The following PLAT variants were observed in gnomAD, a reference collection of about 807,000 sequenced individuals.
PLAT encodes the protein tissue-type plasminogen activator.
Under a neutral mutation model 74.9 loss-of-function variants are expected in PLAT, and 48 were observed. The ratio of observed to expected loss-of-function variants is 0.64; its 90% CI spans 0.51 to 0.82. The LOEUF (loss-of-function observed/expected upper bound fraction) is 0.82, where lower values mean the gene tolerates loss of function less well. Among genes scored for constraint, PLAT ranks in the 40% least tolerant of loss-of-function variants. The pLI, the probability that PLAT is intolerant of heterozygous loss-of-function variation, is 0.00. For missense variants in PLAT, 673 were observed against 736.2 expected (o/e 0.91, Z 0.99); for synonymous variants, 307 against 294.4 (o/e 1.04, Z -0.44).
chr8:42,204,352 C>G (rs560898636), intron 1 of PLAT, among the ~76,000 whole-genome samples: 26 of 152,216 alleles, frequency 1.7e-4, no homozygotes, highest in African/African-American at 6.3e-4. Flanking sequence ...CCTTATTGTC[C>G]GTCCCAACAA....
chr8:42,196,343 C>T (rs1763866238), intron 1 of PLAT, among the ~76,000 whole-genome samples: 1 of 152,324 alleles, frequency 6.6e-6, no homozygotes, highest in South Asian at 2.1e-4. Flanking sequence ...CTGGACCTTC[C>T]TGCGCCTTGA....
At chr8:42,200,718 A>AC (rs1806097820) in intron 1 of PLAT, among the ~76,000 whole-genome samples, 1 of 150,392 alleles carries the variant, frequency 6.6e-6, no homozygotes, top group African/African-American at 2.5e-5. Flanking sequence ...CTGTACGGTG[A>AC]CACATCTTGT....
At chr8:42,197,475 G>T (rs899754619) in intron 1 of PLAT, among the ~76,000 whole-genome samples, 2 of 152,234 alleles carry the variant, frequency 1.3e-5, no homozygotes, top group African/African-American at 4.8e-5. Context: ...ACTTTCCTGG[G>T]AGATGTACTG....
intron 3 of PLAT, among the ~76,000 whole-genome samples, chr8:42,189,807 C>A (rs1325048485): frequency 6.6e-6 from 1 of 151,848 alleles, no homozygotes; most frequent in Non-Finnish European, 1.5e-5. Context: ...CCATATTGGA[C>A]AGGCTGGTCT....
intron 7 of PLAT, 111 bp from the exon 8 acceptor site, chr8:42,183,001 C>T (rs1360451236): frequency 2.8e-5 from 22 of 785,680 alleles, no homozygotes; most frequent in South Asian, 4.9e-5. Flanking sequence ...GCCGCTAGCC[C>T]GGCACTGAGA....
rs376948341 is a variant in PLAT, at chr8:42,206,108, C to T, written c.-27+1386G>A. ...AGCCGCAGACACTGGGAGAATCCGA[C>T]GCGAGTCATTGTGAAATAAACCAAG... On this transcript the variant is annotated intron_variant, in intron 1 of 13. Coordinates refer to ENST00000220809, the MANE Select transcript of PLAT (RefSeq NM_000930.5). 2.6e-5 allele frequency among the ~76,000 whole-genome samples: 4 copies of T among 152,148 alleles called. No homozygotes were observed. The South Asian group carries it at 6.2e-4, about 24-fold the overall frequency.
rs373313453 is a variant in PLAT, at chr8:42,203,969, TTATA to T, written c.-27+3521_-27+3524del. Among the ~76,000 whole-genome samples the T allele has an allele frequency of 3.4e-4, 36 of 105,090 alleles. 1 individual carries two copies. Among genetic ancestry groups the T allele is most frequent in the African/African-American group, 9.3e-4 (17 of 18,372 alleles). 68.9% of individuals were successfully genotyped at this position (105,090 alleles called of 152,430 possible). A position where few individuals can be genotyped will look rare whatever the true frequency, so the allele number is the denominator to read the frequency against. On this transcript the variant is annotated intron_variant, in intron 1 of 13. Transcript: ENST00000220809. ...GATGGAGTCAGACCTTGTCTCTAAA[TTATA>T]TATATATATATATATATATACACAC...
At chr8:42,199,220 C>T (rs1806035358) in intron 1 of PLAT, among the ~76,000 whole-genome samples, 1 of 152,224 alleles carries the variant, frequency 6.6e-6, no homozygotes, top group South Asian at 2.1e-4. Flanking sequence ...GTTATTTTCC[C>T]TCTCTTAACA....
At chr8:42,177,881 G>A (rs958399504) in intron 13 of PLAT, among the ~76,000 whole-genome samples, 1 of 152,178 alleles carries the variant, frequency 6.6e-6, no homozygotes, top group South Asian at 2.1e-4. Flanking sequence ...ACATCCTTCA[G>A]CACCAGAGCC....
Position 42,194,214 on chromosome 8 carries a change from CTG to C in PLAT, c.-26-1005_-26-1004del, listed in dbSNP as rs1491158030. Among the ~76,000 whole-genome samples the C allele has an allele frequency of 2.0e-4, 22 of 109,390 alleles. No individual in the cohort carries two copies. In the South Asian group the frequency reaches 5.9e-3, roughly 29 times the overall value. The allele number at this position is 109,390 out of a possible 152,430, so 71.8% of individuals were successfully genotyped here. On this transcript the variant is annotated intron_variant, in intron 1 of 13. Coordinates refer to ENST00000220809, the MANE Select transcript of PLAT (RefSeq NM_000930.5). Reference sequence around the variant, plus strand: ...TTCAGGCATGTGCCACTGTGCCTGGCTGAGAGAGAGAGAGAGAGAGAGAGAGA... The same window carrying C: ...TTCAGGCATGTGCCACTGTGCCTGGCAGAGAGAGAGAGAGAGAGAGAGAGA...
intron 12 of PLAT, among the ~76,000 whole-genome samples, 182 bp from the exon 13 acceptor site, chr8:42,179,245 T>G (rs8178788): frequency 6.6e-6 from 1 of 152,168 alleles, no homozygotes; most frequent in Non-Finnish European, 1.5e-5. Flanking sequence ...GATTCCGGGA[T>G]TGAACCCACA....
Position 42,180,231 on chromosome 8 carries a change from C to G in PLAT, c.1222+11G>C. ...CTGTATGAACTGGAGCCGGGAATGA[C>G]GAGCTCTTACCAATGTCATTGTCGT... On this transcript the variant is annotated intron_variant, in intron 11 of 13. Coordinates refer to ENST00000220809, the MANE Select transcript of PLAT (RefSeq NM_000930.5). 1.2e-6 allele frequency: 2 copies of G among 1,614,014 alleles called. No individual in the cohort carries two copies. Among genetic ancestry groups the G allele is most frequent in the South Asian group, 1.1e-5 (1 of 91,058 alleles).
At chr8:42,191,290 AG>A (rs1291179799) in intron 3 of PLAT, 81 bp downstream of exon 3, 2 of 1,083,530 alleles carry the variant, frequency 1.8e-6, no homozygotes, top group Admixed American at 3.4e-5. Context: ...GGAAGAAGGC[AG>A]GTGGTGGGTG....
intron 13 of PLAT, among the ~76,000 whole-genome samples, chr8:42,176,982 T>G (rs1315609947): frequency 6.6e-6 from 1 of 151,812 alleles, no homozygotes; most frequent in African/African-American, 2.4e-5. Flanking sequence ...TTTTTTTTTG[T>G]TTTTTTGTTT....
intron 1 of PLAT, 21 bp downstream of exon 1, chr8:42,207,473 A>G: frequency 6.6e-6 from 1 of 152,334 alleles, no homozygotes; most frequent in Non-Finnish European, 1.5e-5. Context: ...ACAGACCCCA[A>G]GGTACAGAAA....
chr8:42,178,904 GCGT>G lies in PLAT; in HGVS notation c.1520_1522del (p.Asp507del), dbSNP rs1188294996. The G allele has an allele frequency of 1.9e-6, 3 of 1,613,020 alleles. No homozygotes were observed. The highest frequency in any genetic ancestry group is 2.5e-6 in the Non-Finnish European group (3 of 1,179,932). ...CGCGCCACTCCTGGTTACCTGGCAG[GCGT>G]CGTGCAAGTTTGCCTGGGGCCCGCC... On this transcript the variant is annotated inframe_deletion, in exon 13 of 14. Transcript: ENST00000220809.
chr8:42,193,223 G>GA lies in PLAT; in HGVS notation c.-26-13dup, dbSNP rs1805754462. On this transcript the variant is annotated splice_polypyrimidine_tract_variant and intron_variant, in intron 1 of 13. Transcript: ENST00000220809. ...GCGTCCCTTAAATTCTGGAAGGAGA[G>GA]AAAAAACAGCTTGATCACGGGGTGC... The GA allele has an allele frequency of 3.2e-6, 5 of 1,558,418 alleles. No homozygotes were observed. Among genetic ancestry groups the GA allele is most frequent in the East Asian group, 2.2e-5 (1 of 44,648 alleles).
chr8:42,193,364 A>G (rs1747257702), intron 1 of PLAT, among the ~76,000 whole-genome samples, 153 bp from the exon 2 acceptor site: 1 of 152,238 alleles, frequency 6.6e-6, no homozygotes, highest in Non-Finnish European at 1.5e-5. Flanking sequence ...AGGATTCTAG[A>G]AACTACATAT....
intron 12 of PLAT, 82 bp from the exon 13 acceptor site, chr8:42,179,145 A>T: frequency 4.5e-6 from 4 of 894,686 alleles, no homozygotes; most frequent in Non-Finnish European, 7.2e-6. Flanking sequence ...TTTTCCAATA[A>T]TAGCTAACAT....
Sources: allele counts gnomAD v4.1 joint callset (sites outside exome capture counted in the v4.1 genomes callset), GRCh38; gene constraint gnomAD v4.1.1; transcripts MANE v1.5; gene names NCBI Gene and HGNC (gene_info 2026-07-23, HGNC 2026-07-21).